Variants in TIAM1 observed in about 807,000 individuals in gnomAD.
TIAM1 encodes rho guanine nucleotide exchange factor TIAM1.
A neutral mutation model predicts 163.5 loss-of-function variants in TIAM1; 65 were observed. That is an observed-to-expected ratio of 0.40 (90% CI 0.33 to 0.49). TIAM1 has a LOEUF of 0.49. TIAM1 is among the 20% of genes least tolerant of loss of function. TIAM1 has a pLI of 0.77. For synonymous variants in TIAM1, 833 were observed against 810.1 expected (o/e 1.03, Z -0.48); for missense variants, 1,789 against 2,044.7 (o/e 0.87, Z 2.41).
At chr21:31,492,672 T>G (rs937843338) in intron 1 of TIAM1, among the ~76,000 whole-genome samples, 136 of 152,218 alleles carry the variant, frequency 8.9e-4, no homozygotes, top group Middle Eastern at 3.4e-3. Flanking sequence ...CCCGACCACC[T>G]TGGGCACAGG....
intron 20 of TIAM1, among the ~76,000 whole-genome samples, chr21:31,146,024 T>A (rs1429262457): frequency 6.6e-6 from 1 of 152,008 alleles, no homozygotes; most frequent in Admixed American, 6.6e-5. Flanking sequence ...TAATCGAAAT[T>A]AAAGAAAAAC....
intron 16 of TIAM1, among the ~76,000 whole-genome samples, chr21:31,161,065 GTGTGTGTGTGTGTT>G (rs965921549): frequency 1.3e-5 from 2 of 149,720 alleles, no homozygotes; most frequent in African/African-American, 5.1e-5. Context: ...GTGTGTGTGT[GTGTGTGTGTGTGTT>G]TAACAGTTGA....
At chr21:31,250,572 C>T (rs997312854) in intron 5 of TIAM1, among the ~76,000 whole-genome samples, 3 of 152,206 alleles carry the variant, frequency 2.0e-5, no homozygotes, top group Non-Finnish European at 4.4e-5. Flanking sequence ...CCAAACCAAC[C>T]ACAGTCTGTG....
intron 1 of TIAM1, among the ~76,000 whole-genome samples, chr21:31,485,677 G>A (rs1049655648): frequency 6.6e-6 from 1 of 152,144 alleles, no homozygotes; most frequent in East Asian, 1.9e-4. Flanking sequence ...CCTGAAGGGA[G>A]GGGCTTGTAC....
chr21:31,204,600 T>G (rs2086357368), intron 11 of TIAM1, among the ~76,000 whole-genome samples: 1 of 152,186 alleles, frequency 6.6e-6, no homozygotes, highest in South Asian at 2.1e-4. Flanking sequence ...CTTAACGAAC[T>G]CTTAGATACG....
intron 6 of TIAM1, among the ~76,000 whole-genome samples, chr21:31,232,880 C>A (rs1026152970): frequency 3.3e-5 from 5 of 152,186 alleles, no homozygotes; most frequent in African/African-American, 1.2e-4. Context: ...TTCTGTGATT[C>A]TTCCTTTGCC....
intron 1 of TIAM1, among the ~76,000 whole-genome samples, chr21:31,505,350 T>C (rs1033515371): frequency 6.6e-6 from 1 of 152,012 alleles, no homozygotes; most frequent in African/African-American, 2.4e-5. Context: ...GAAGTATAAA[T>C]GTTAAAAGAT....
chr21:31,166,405 T>C (rs2084218696), intron 15 of TIAM1, among the ~76,000 whole-genome samples: 1 of 152,190 alleles, frequency 6.6e-6, no homozygotes. Flanking sequence ...CTTGCTCCAA[T>C]GACACCATTA....
At chr21:31,403,030 T>C (rs1435000244) in intron 2 of TIAM1, among the ~76,000 whole-genome samples, 4 of 152,218 alleles carry the variant, frequency 2.6e-5, no homozygotes, top group African/African-American at 9.7e-5. Flanking sequence ...ACGGCTAATG[T>C]GCAGGGCTCA....
At chr21:31,367,344 G>A (rs1036323132) in intron 2 of TIAM1, among the ~76,000 whole-genome samples, 1 of 152,114 alleles carries the variant, frequency 6.6e-6, no homozygotes, top group African/African-American at 2.4e-5. Flanking sequence ...CTCTTTGCTT[G>A]ATTTGCACCA....
intron 1 of TIAM1, among the ~76,000 whole-genome samples, chr21:31,473,725 G>C (rs1360022148): frequency 3.9e-5 from 6 of 152,060 alleles, no homozygotes; most frequent in African/African-American, 1.4e-4. Context: ...CAGCGAGTGA[G>C]CCAGGGATTG....
At chr21:31,313,799 A>T (rs2075014549) in intron 2 of TIAM1, among the ~76,000 whole-genome samples, 1 of 151,756 alleles carries the variant, frequency 6.6e-6, no homozygotes, top group South Asian at 2.1e-4. Flanking sequence ...CTGATCTCAA[A>T]CTCCTGACCT....
intron 1 of TIAM1, among the ~76,000 whole-genome samples, chr21:31,528,216 T>C (rs1197607881): frequency 6.6e-6 from 1 of 152,150 alleles, no homozygotes; most frequent in East Asian, 1.9e-4. Context: ...GTGACCTCTA[T>C]TTAAAATACT....
intron 17 of TIAM1, among the ~76,000 whole-genome samples, chr21:31,153,881 T>C (rs1287115663): frequency 6.8e-6 from 1 of 146,192 alleles, no homozygotes; most frequent in African/African-American, 2.6e-5. Context: ...GGCAACATGG[T>C]GAAACCTCCT....
At chr21:31,392,575 A>C (rs2076986105) in intron 2 of TIAM1, among the ~76,000 whole-genome samples, 1 of 150,384 alleles carries the variant, frequency 6.6e-6, no homozygotes, top group Non-Finnish European at 1.5e-5. Context: ...TGTCTCAAAA[A>C]AAAAAAAAAA....
chr21:31,345,481 C>T (rs947004366), upstream of TIAM1, among the ~76,000 whole-genome samples: 52 of 147,014 alleles, frequency 3.5e-4, no homozygotes, highest in Middle Eastern at 3.6e-3. Flanking sequence ...TATATCCACA[C>T]GGATTCACAC....
chr21:31,298,481 G>A (rs941335264), intron 2 of TIAM1, among the ~76,000 whole-genome samples: 1 of 152,138 alleles, frequency 6.6e-6, no homozygotes, highest in African/African-American at 2.4e-5. Context: ...CCATCTACTT[G>A]TAATAATCAA....
intron 5 of TIAM1, among the ~76,000 whole-genome samples, chr21:31,250,166 A>AG (rs930026778): frequency 1.8e-4 from 26 of 147,652 alleles, no homozygotes; most frequent in Admixed American, 4.0e-4. Context: ...AAAAAAAAAA[A>AG]AAAAAGAAAA....
chr21:31,196,478 A>AT lies in TIAM1; in HGVS notation c.2494-1174dup, dbSNP rs59358430. Among the ~76,000 whole-genome samples, 640 of 133,012 alleles carry AT rather than the reference A, an allele frequency of 4.8e-3. 13 individuals are homozygous for AT. Among genetic ancestry groups the AT allele is most frequent in the Middle Eastern group, 0.011 (3 of 270 alleles). The allele number at this position is 133,012 out of a possible 152,430, so 87.3% of individuals were successfully genotyped here. A position where few individuals can be genotyped will look rare whatever the true frequency, so the allele number is the denominator to read the frequency against. On this transcript the variant is annotated intron_variant, in intron 12 of 27. Coordinates refer to ENST00000541036, the MANE Select transcript of TIAM1 (RefSeq NM_001353694.2). Reference sequence around the variant, plus strand: ...AGGCGTTTGCTACCACATCTGGCTAATTTTTTTTTTTTTTGTATTTTTAGT... The same window carrying AT: ...AGGCGTTTGCTACCACATCTGGCTAATTTTTTTTTTTTTTTGTATTTTTAGT...
Sources: gnomAD v4.1 joint callset for allele counts (sites outside exome capture counted in the v4.1 genomes callset) on GRCh38, gnomAD v4.1.1 for gene constraint, MANE v1.5 for transcripts, NCBI Gene and HGNC (gene_info 2026-07-23, HGNC 2026-07-21) for gene names.